Variants in PJA2 observed in about 807,000 individuals in gnomAD.
PJA2 encodes the protein E3 ubiquitin-protein ligase Praja-2.
PJA2 carries 25 observed loss-of-function variants against 69.3 expected under a neutral mutation model. The observed-to-expected ratio is 0.36, with a 90% confidence interval of 0.26 to 0.50. The LOEUF is 0.50. Ranked by LOEUF, PJA2 falls within the 20% of genes least tolerant of loss-of-function variation. The probability of loss-of-function intolerance (pLI) is 0.96; values close to 1 mark genes in which losing one functional copy is unlikely to be tolerated. For synonymous variants in PJA2, 308 were observed against 277.8 expected, an observed-to-expected ratio of 1.11 and a Z score of -1.08; for missense variants, 809 against 830.2, an observed-to-expected ratio of 0.97 and a Z score of 0.31.
rs143063686 is a variant in PJA2 at position 109,379,180 on chromosome 5, G to A, written c.307C>T (p.Pro103Ser). The A allele has an allele frequency of 1.7e-5, 28 of 1,613,896 alleles. No homozygotes were observed. The highest frequency in any genetic ancestry group is 2.2e-5 in the East Asian group (1 of 44,884). ...TGATTCAATGCTGAACCACAAGTGG[G>A]AATTTCTGTTTCACTTTTTTCAAAT... ...PIFEKSETEI[P>S]TCGSALNQTT... Residue 103 changes from proline (P) to serine (S), a missense_variant, in exon 4 of 10, where the codon CCC (proline) becomes TCC (serine). By Grantham distance (74) the Pro-to-Ser change is moderately conservative. Transcript: ENST00000361189.
At chr5:109,403,998 G>A (rs983554640) in intron 1 of PJA2, among the ~76,000 whole-genome samples, 1 of 151,838 alleles carries the variant, frequency 6.6e-6, no homozygotes, top group African/African-American at 2.4e-5. Flanking sequence ...TTGAACCCAG[G>A]AGGCGGAGGC....
rs368374076 is a variant in PJA2, at chr5:109,361,052, C to T, written c.1652+1788G>A. Reference sequence around the variant, plus strand: ...CTGGGGCAGGAAAATCACTTGAACCCGGGAGGCAGAAGTTGCAGTGAGCCG... The same window carrying T: ...CTGGGGCAGGAAAATCACTTGAACCTGGGAGGCAGAAGTTGCAGTGAGCCG... On this transcript the variant is annotated intron_variant, in intron 6 of 9. Coordinates refer to ENST00000361189, the MANE Select transcript of PJA2 (RefSeq NM_014819.5). Among the ~76,000 whole-genome samples the T allele has an allele frequency of 4.5e-4, 68 of 151,918 alleles. 1 individual carries two copies. In the South Asian group the frequency reaches 0.011, roughly 26 times the overall value.
intron 4 of PJA2, among the ~76,000 whole-genome samples, chr5:109,373,081 G>A (rs1034256481): frequency 6.6e-5 from 10 of 151,916 alleles, no homozygotes; most frequent in Admixed American, 2.6e-4. Context: ...GTGACAAAGC[G>A]AGACTGTCTC....
chr5:109,369,234 C>G (rs998800406), intron 4 of PJA2, among the ~76,000 whole-genome samples: 3 of 152,174 alleles, frequency 2.0e-5, no homozygotes, highest in Admixed American at 6.5e-5. Context: ...AACTAATACA[C>G]CAGACATCAT....
intron 1 of PJA2, among the ~76,000 whole-genome samples, chr5:109,400,489 G>T (rs1484066604): frequency 6.7e-6 from 1 of 150,058 alleles, no homozygotes; most frequent in African/African-American, 2.5e-5. Context: ...CAGGGGGAGG[G>T]GGGGGAAGGG....
chr5:109,373,652 T>C (rs551636800), intron 4 of PJA2, among the ~76,000 whole-genome samples: 1 of 152,278 alleles, frequency 6.6e-6, no homozygotes, highest in African/African-American at 2.4e-5. Flanking sequence ...AGCGGGTGAA[T>C]GACACATTTA....
At chr5:109,348,112 G>C (rs1436004882) in intron 7 of PJA2, among the ~76,000 whole-genome samples, 1 of 152,184 alleles carries the variant, frequency 6.6e-6, no homozygotes, top group Non-Finnish European at 1.5e-5. Flanking sequence ...CACTGTGGTT[G>C]ACAGTGATGA....
intron 7 of PJA2, among the ~76,000 whole-genome samples, chr5:109,351,133 C>A (rs1193615525): frequency 1.3e-4 from 17 of 129,180 alleles, no homozygotes; most frequent in Non-Finnish European, 2.3e-4. Flanking sequence ...AAAAAAAAAA[C>A]GGAAGGAATC....
Position 109,337,371 on chromosome 5 carries a change from A to G in PJA2, c.2002-15T>C, listed in dbSNP as rs2126981934. The G allele has an allele frequency of 6.3e-7, 1 of 1,580,234 alleles. No homozygotes were observed. The highest frequency in any genetic ancestry group is 2.3e-5 in the East Asian group (1 of 43,142). On this transcript the variant is annotated splice_polypyrimidine_tract_variant and intron_variant, in intron 9 of 9. Transcript: ENST00000361189. ...CATGTTCCCGACTGGAGAAAAAAAA[A>G]ATGTTAAGAGCCACCAGAATCATCT... is the stretch of plus-strand genomic sequence containing the variant.
chr5:109,400,247 C>T lies in PJA2; in HGVS notation c.-88+9595G>A, dbSNP rs181554257. On this transcript the variant is annotated intron_variant, in intron 1 of 9. Coordinates refer to ENST00000361189, the MANE Select transcript of PJA2 (RefSeq NM_014819.5). ...CAGAGGTTGCAGTGAGCCAAGATCA[C>T]ACCACTGCACTCCAGTCTGGGTGAT... Among the ~76,000 whole-genome samples the T allele has an allele frequency of 1.1e-3, 169 of 150,450 alleles. 1 individual carries two copies. The highest frequency in any genetic ancestry group is 4.0e-3 in the African/African-American group (163 of 40,780).
At chr5:109,364,618 G>A (rs1762556785) in intron 5 of PJA2, among the ~76,000 whole-genome samples, 1 of 127,186 alleles carries the variant, frequency 7.9e-6, no homozygotes, top group Non-Finnish European at 1.7e-5. Context: ...GCGAGACTCT[G>A]TCTCAAAAAA....
chr5:109,380,040 A>G (rs1477526704), intron 3 of PJA2, among the ~76,000 whole-genome samples: 2 of 150,624 alleles, frequency 1.3e-5, no homozygotes, highest in Non-Finnish European at 3.0e-5. Flanking sequence ...AAGTTCGGCC[A>G]TGATATATGG....
chr5:109,353,520 A>AT lies in PJA2; in HGVS notation c.1764+2394dup, dbSNP rs1191355283. Among the ~76,000 whole-genome samples, 3 of 133,422 alleles carry AT rather than the reference A, an allele frequency of 2.2e-5. No homozygotes were observed. The Admixed American group carries it at 2.3e-4, about 10-fold the overall frequency. The allele number at this position is 133,422 out of a possible 152,430, so 87.5% of individuals were successfully genotyped here. ...CTATAATATCTATAGATATCTATATATTAGATATCTATAATATCATAGATA... is the reference window on the plus strand; with the variant it reads ...CTATAATATCTATAGATATCTATATATTTAGATATCTATAATATCATAGATA... On this transcript the variant is annotated intron_variant, in intron 7 of 9. Coordinates refer to ENST00000361189, the MANE Select transcript of PJA2 (RefSeq NM_014819.5).
At chr5:109,379,342 C>A in intron 3 of PJA2, 88 bp from the exon 4 acceptor site, 1 of 904,620 alleles carries the variant, frequency 1.1e-6, no homozygotes, top group South Asian at 1.8e-5. Context: ...GGAAATCATA[C>A]CAATTATTAC....
At position 109,341,074 on chromosome 5, in the gene PJA2, G is replaced by A. The variant is rs1351691835; in HGVS notation, c.2001+3116C>T. Among the ~76,000 whole-genome samples the A allele has an allele frequency of 7.0e-5, 10 of 143,192 alleles. 1 individual carries two copies. Among genetic ancestry groups the A allele is most frequent in the African/African-American group, 2.3e-4 (9 of 39,462 alleles). The allele number at this position is 143,192 out of a possible 152,430, so 93.9% of individuals were successfully genotyped here. A position where few individuals can be genotyped will look rare whatever the true frequency, so the allele number is the denominator to read the frequency against. ...GCCCGGCTGCCACCCCGTCTGGGAAGTGAGGAGCGTCTCTGCCTGGCCACC... is the reference window on the plus strand; with the variant it reads ...GCCCGGCTGCCACCCCGTCTGGGAAATGAGGAGCGTCTCTGCCTGGCCACC... On this transcript the variant is annotated intron_variant, in intron 9 of 9. Coordinates refer to ENST00000361189, the MANE Select transcript of PJA2 (RefSeq NM_014819.5).
intron 4 of PJA2, among the ~76,000 whole-genome samples, chr5:109,369,263 G>A (rs143298689): frequency 9.9e-5 from 15 of 152,252 alleles, no homozygotes; most frequent in African/African-American, 3.1e-4. Context: ...GTGGAGTGTC[G>A]ATGCCACATA....
At position 109,367,143 on chromosome 5, in the gene PJA2, A is replaced by AAAAATAT. The variant is rs1252162401; in HGVS notation, c.1469+1417_1469+1418insATATTTT. Among the ~76,000 whole-genome samples, 17 of 143,214 alleles carry AAAAATAT rather than the reference A, an allele frequency of 1.2e-4. 1 individual carries two copies. The highest frequency in any genetic ancestry group is 4.1e-4 in the African/African-American group (16 of 39,050). The allele number at this position is 143,214 out of a possible 152,430, so 94.0% of individuals were successfully genotyped here. The stretch of plus-strand genomic sequence containing the variant: ...AGCAAGACTCCGTCTCAAAAAAAAA[A>AAAAATAT]ATATATATATATATATATATATCTA... On this transcript the variant is annotated intron_variant, in intron 5 of 9. Coordinates refer to ENST00000361189, the MANE Select transcript of PJA2 (RefSeq NM_014819.5).
chr5:109,391,607 G>C, intron 1 of PJA2, among the ~76,000 whole-genome samples: 1 of 151,518 alleles, frequency 6.6e-6, no homozygotes, highest in East Asian at 1.9e-4. Flanking sequence ...CACCTACCAA[G>C]TGAGTGTGCT....
At chr5:109,351,393 A>G (rs539243865) in intron 7 of PJA2, among the ~76,000 whole-genome samples, 99 of 152,238 alleles carry the variant, frequency 6.5e-4, no homozygotes, top group Non-Finnish European at 1.1e-3. Context: ...ACTTCCTACA[A>G]AACACTTACC....
Sources: gnomAD v4.1 joint callset for allele counts (sites outside exome capture counted in the v4.1 genomes callset) on GRCh38, gnomAD v4.1.1 for gene constraint, MANE v1.5 for transcripts, NCBI Gene and HGNC (gene_info 2026-07-23, HGNC 2026-07-21) for gene names.